Variants in DGKI observed in about 807,000 individuals in gnomAD.
DGKI encodes diacylglycerol kinase iota, also known as DAG kinase iota.
DGKI carries 55 observed loss-of-function variants against 147.5 expected under a neutral mutation model. The ratio of observed to expected loss-of-function variants is 0.37; its 90% CI spans 0.30 to 0.47. The LOEUF is 0.47. Ranked by LOEUF, DGKI falls within the 20% of genes least tolerant of loss-of-function variation. The pLI, the probability that DGKI is intolerant of heterozygous loss-of-function variation, is 1.00. For synonymous variants in DGKI, 469 were observed against 477.1 expected, an observed-to-expected ratio of 0.98 and a Z score of 0.22; for missense variants, 1,007 against 1,323.8, an observed-to-expected ratio of 0.76 and a Z score of 3.71.
At chr7:137,490,179 A>C (rs1046299993) in intron 21 of DGKI, among the ~76,000 whole-genome samples, 3 of 152,206 alleles carry the variant, frequency 2.0e-5, no homozygotes, top group African/African-American at 4.8e-5. Context: ...AATTTATTCC[A>C]AGAAGGTGGC....
At chr7:137,725,240 A>G (rs541977811) in intron 1 of DGKI, among the ~76,000 whole-genome samples, 1 of 152,218 alleles carries the variant, frequency 6.6e-6, no homozygotes, top group South Asian at 2.1e-4. Context: ...AATGTTGTCA[A>G]CCTACGGGAG....
chr7:137,650,642 A>G (rs1247571371), intron 5 of DGKI, among the ~76,000 whole-genome samples: 1 of 152,194 alleles, frequency 6.6e-6, no homozygotes, highest in East Asian at 1.9e-4. Context: ...TTTCCTCCAC[A>G]TGAGAATACA....
chr7:137,490,970 C>T (rs1396509498), intron 21 of DGKI, among the ~76,000 whole-genome samples: 1 of 152,088 alleles, frequency 6.6e-6, no homozygotes, highest in Non-Finnish European at 1.5e-5. Flanking sequence ...AATCTCTCAC[C>T]AGAAATACTA....
chr7:137,578,280 A>G lies in DGKI; in HGVS notation c.1688T>C (p.Phe563Ser). Reference protein sequence around the residue: ...KFNSRFRNKMFYAGAAFSDFL... With the variant: ...KFNSRFRNKMSYAGAAFSDFL... The stretch of plus-strand genomic sequence containing the variant: ...AAAATGTATACCTACCCCTGCATAG[A>G]ACATTTTATTTCGAAAACGACTGTT... Residue 563 changes from phenylalanine to serine, a missense_variant, in exon 16 of 33, where the codon TTC becomes TCC. Phe to Ser is a radical substitution (Grantham distance 155). Around this residue, in one of 5 missense-constraint regions of DGKI, gnomAD observed 224 missense variants for 382.7 expected, o/e 0.59. Coordinates refer to ENST00000614521, the MANE Select transcript of DGKI (RefSeq NM_001321708.2). 6.2e-7 allele frequency: 1 copy of G among 1,611,316 alleles called. No homozygotes were observed. Among genetic ancestry groups the G allele is most frequent in the South Asian group, 1.1e-5 (1 of 91,002 alleles).
intron 1 of DGKI, among the ~76,000 whole-genome samples, chr7:137,747,244 A>G (rs1795365951): frequency 6.6e-6 from 1 of 152,148 alleles, no homozygotes; most frequent in South Asian, 2.1e-4. Flanking sequence ...AAGCACCTAA[A>G]AAGTTTACTT....
intron 28 of DGKI, among the ~76,000 whole-genome samples, chr7:137,431,509 A>G (rs898884637): frequency 2.6e-5 from 4 of 152,196 alleles, no homozygotes; most frequent in African/African-American, 7.2e-5. Context: ...AGTGTTTTTC[A>G]AAAAGTGGGT....
intron 1 of DGKI, among the ~76,000 whole-genome samples, chr7:137,746,167 C>T (rs1795321975): frequency 6.6e-6 from 1 of 151,952 alleles, no homozygotes; most frequent in Non-Finnish European, 1.5e-5. Flanking sequence ...TGGTTTGGTT[C>T]CCAAAGCTTA....
chr7:137,742,907 G>C (rs1174386056), intron 1 of DGKI, among the ~76,000 whole-genome samples: 1 of 152,182 alleles, frequency 6.6e-6, no homozygotes, highest in East Asian at 1.9e-4. Flanking sequence ...ACAAAACGAA[G>C]TTCTAGTGGG....
At chr7:137,706,402 T>C (rs1047315956) in intron 1 of DGKI, among the ~76,000 whole-genome samples, 3 of 151,786 alleles carry the variant, frequency 2.0e-5, no homozygotes, top group African/African-American at 4.8e-5. Context: ...AAACAAAATG[T>C]TAGGTCTTAT....
chr7:137,664,613 G>A (rs568882800), intron 3 of DGKI, among the ~76,000 whole-genome samples: 43 of 152,218 alleles, frequency 2.8e-4, no homozygotes, highest in South Asian at 1.9e-3. Flanking sequence ...GTATTACTGC[G>A]GCTCATGTGA....
At chr7:137,429,567 C>G (rs1408923421) in intron 28 of DGKI, among the ~76,000 whole-genome samples, 1 of 151,836 alleles carries the variant, frequency 6.6e-6, no homozygotes, top group Non-Finnish European at 1.5e-5. Flanking sequence ...TCTAATTAAA[C>G]TAAAGAGCTT....
intron 1 of DGKI, among the ~76,000 whole-genome samples, chr7:137,691,442 G>A (rs900797687): frequency 2.0e-5 from 3 of 152,150 alleles, no homozygotes; most frequent in Admixed American, 6.5e-5. Context: ...CTACACAGAG[G>A]AACAAAGCTC....
At chr7:137,404,704 C>A (rs1423969565) in intron 30 of DGKI, among the ~76,000 whole-genome samples, 2 of 152,104 alleles carry the variant, frequency 1.3e-5, no homozygotes, top group Non-Finnish European at 2.9e-5. Context: ...TTCTCGTGAG[C>A]ATAAATATTA....
In DGKI at chr7:137,408,014, A is replaced by G; in HGVS notation, c.2800-19T>C. The G allele has an allele frequency of 6.2e-7, 1 of 1,612,968 alleles. No homozygotes were observed. The highest frequency in any genetic ancestry group is 8.5e-7 in the Non-Finnish European group (1 of 1,179,526). ...CTATTAGCTGCAAAGAGAGACATAC[A>G]AAAAGAAGCTCAGGCAGAATTCGGA... is the stretch of plus-strand genomic sequence containing the variant. On this transcript the variant is annotated intron_variant, in intron 29 of 32. Coordinates refer to ENST00000614521, the MANE Select transcript of DGKI (RefSeq NM_001321708.2).
chr7:137,665,033 A>T (rs889758615), intron 3 of DGKI, among the ~76,000 whole-genome samples: 3 of 152,204 alleles, frequency 2.0e-5, no homozygotes, highest in African/African-American at 7.2e-5. Flanking sequence ...TGCAAAGCTC[A>T]GAGGCATGAG....
At chr7:137,445,643 A>G (rs1403529870) in intron 27 of DGKI, among the ~76,000 whole-genome samples, 1 of 152,210 alleles carries the variant, frequency 6.6e-6, no homozygotes, top group Admixed American at 6.5e-5. Flanking sequence ...TCTCAGTTCC[A>G]TCACACTGAT....
chr7:137,546,801 T>A (rs1817883000), intron 20 of DGKI, among the ~76,000 whole-genome samples: 1 of 152,258 alleles, frequency 6.6e-6, no homozygotes, highest in Non-Finnish European at 1.5e-5. Flanking sequence ...TTCTGCAGCA[T>A]ACATAACTTC....
intron 1 of DGKI, among the ~76,000 whole-genome samples, chr7:137,836,254 A>G (rs1055084510): frequency 1.3e-5 from 2 of 152,174 alleles, no homozygotes; most frequent in Non-Finnish European, 2.9e-5. Flanking sequence ...TATTTTCCTA[A>G]GAAATTCTGA....
In DGKI at chr7:137,608,854, G is replaced by A. The variant is rs75741250; in HGVS notation, c.1167+112C>T. ...ACAATAACCTTGTTCCTGAGAAACC[G>A]GTGTCTTCCAAAGCTTGGGATCCTA... On this transcript the variant is annotated intron_variant, in intron 10 of 32. Transcript: ENST00000614521. 2.8e-4 allele frequency: 225 copies of A among 799,076 alleles called. No individual in the cohort carries two copies. The African/African-American group carries it at 3.5e-3, about 12-fold the overall frequency. 49.5% of individuals were successfully genotyped at this position (799,076 alleles called of 1,614,324 possible).
Sources: gnomAD v4.1 joint callset for allele counts (sites outside exome capture counted in the v4.1 genomes callset) on GRCh38, gnomAD v4.1.1 for gene constraint, gnomAD v4.1.1 regional missense constraint, MANE v1.5 for transcripts, NCBI Gene and HGNC (gene_info 2026-07-23, HGNC 2026-07-21) for gene names.